Variants in LARGE1 observed in about 807,000 individuals in gnomAD.
LARGE1 encodes the protein xylosyl- and glucuronyltransferase LARGE1.
In LARGE1, 43 loss-of-function variants were observed where a neutral mutation model predicts 87.6. That is an observed-to-expected ratio of 0.49 (90% confidence interval 0.38 to 0.63). LARGE1 has a LOEUF of 0.63. LARGE1 is among the 30% of genes least tolerant of loss of function. LARGE1 has a pLI of 0.00. For missense variants in LARGE1, 802 were observed against 1,000.2 expected (o/e 0.80, Z 2.67); for synonymous variants, 434 against 394.6 (o/e 1.10, Z -1.18).
chr22:33,879,184 C>G (rs2146742322), intron 1 of LARGE1, among the ~76,000 whole-genome samples: 1 of 152,278 alleles, frequency 6.6e-6, no homozygotes, highest in Non-Finnish European at 1.5e-5. Context: ...GTTGGTCAGG[C>G]TGGTCTCCTG....
chr22:33,335,247 T>C (rs1355542156), intron 10 of LARGE1, among the ~76,000 whole-genome samples: 1 of 152,144 alleles, frequency 6.6e-6, no homozygotes, highest in Non-Finnish European at 1.5e-5. Context: ...GAAAGAACAG[T>C]GTTTGTTGAG....
chr22:33,650,878 G>A (rs2080780977), intron 2 of LARGE1, among the ~76,000 whole-genome samples: 2 of 152,144 alleles, frequency 1.3e-5, no homozygotes, highest in African/African-American at 4.8e-5. Flanking sequence ...GGTGATAAAA[G>A]CTAATATGCC....
At chr22:33,137,640 AG>A in the LARGE1 span, among the ~76,000 whole-genome samples, 1 of 152,204 alleles carries the variant, frequency 6.6e-6, no homozygotes, top group Non-Finnish European at 1.5e-5. Context: ...ACTGGCCTGG[AG>A]GCCTAGGAGA....
intron 4 of LARGE1, among the ~76,000 whole-genome samples, chr22:33,625,166 G>T (rs192496998): frequency 6.6e-6 from 1 of 152,264 alleles, no homozygotes; most frequent in Non-Finnish European, 1.5e-5. Flanking sequence ...CACCCAACAG[G>T]TTTCCATGCT....
intron 1 of LARGE1, among the ~76,000 whole-genome samples, chr22:33,804,197 C>T (rs922398959): frequency 6.6e-6 from 1 of 152,170 alleles, no homozygotes; most frequent in African/African-American, 2.4e-5. Flanking sequence ...ACTAATGCTG[C>T]CTTTGTTGAC....
chr22:33,858,660 G>A (rs60848515), intron 1 of LARGE1, among the ~76,000 whole-genome samples: 6,542 of 152,186 alleles, frequency 0.043, 467 homozygotes, highest in African/African-American at 0.15. Flanking sequence ...GTTGGCCTAG[G>A]AAATCCAGCT....
At position 33,264,584 on chromosome 22, in the gene LARGE1, G is replaced by A. The variant is rs149245060; in HGVS notation, c.1730+39645C>T. On this transcript the variant is annotated intron_variant, in intron 11 of 11. Transcript: ENST00000608642. ...TGAGGCAGGAGAATCACCTGAACCCGGGAGGTGGAGGTTGCAGTGAGCCGA... is the reference window on the plus strand; with the variant it reads ...TGAGGCAGGAGAATCACCTGAACCCAGGAGGTGGAGGTTGCAGTGAGCCGA... Among the ~76,000 whole-genome samples, 1,345 of 152,278 alleles carry A rather than the reference G, an allele frequency of 8.8e-3. 12 individuals are homozygous for A. Among genetic ancestry groups the A allele is most frequent in the Middle Eastern group, 0.024 (7 of 294 alleles).
At chr22:33,199,848 T>C (rs1924281469) in intron 11 of LARGE1, among the ~76,000 whole-genome samples, 1 of 142,830 alleles carries the variant, frequency 7.0e-6, no homozygotes, top group African/African-American at 2.5e-5. Context: ...AGACACTTTT[T>C]TTTTTTTTTC....
At position 33,612,127 on chromosome 22, in the gene LARGE1, G is replaced by A. The variant is rs528460797; in HGVS notation, c.492-7569C>T. Among the ~76,000 whole-genome samples the A allele has an allele frequency of 8.2e-5, 11 of 134,354 alleles. No individual in the cohort carries two copies. The South Asian group carries it at 2.1e-3, about 26-fold the overall frequency. 88.1% of individuals were successfully genotyped at this position (134,354 alleles called of 152,430 possible). ...TTCCCCCCACCCACCCCCAGTGAAAGAGTTTCGCTCTTATTGCCCAGGCTA... is the reference window on the plus strand; with the variant it reads ...TTCCCCCCACCCACCCCCAGTGAAAAAGTTTCGCTCTTATTGCCCAGGCTA... On this transcript the variant is annotated intron_variant, in intron 4 of 14. Coordinates refer to ENST00000397394, the MANE Select transcript of LARGE1 (RefSeq NM_133642.5).
intron 10 of LARGE1, among the ~76,000 whole-genome samples, chr22:33,325,252 C>T (rs1937137987): frequency 6.6e-6 from 1 of 152,206 alleles, no homozygotes; most frequent in African/African-American, 2.4e-5. Context: ...CACCAATATC[C>T]ATATTTTGCT....
intron 3 of LARGE1, among the ~76,000 whole-genome samples, chr22:33,630,707 T>TTA (rs1338859597): frequency 2.0e-5 from 3 of 152,196 alleles, no homozygotes; most frequent in South Asian, 2.1e-4. Flanking sequence ...GCCTAGGACA[T>TTA]TATAGTACAC....
At position 33,348,036 on chromosome 22, in the gene LARGE1, C is replaced by T. The variant is rs118120119; in HGVS notation, c.1132-10235G>A. 5.4e-3 allele frequency among the ~76,000 whole-genome samples: 818 copies of T among 152,172 alleles called. 14 individuals carry two copies. The highest frequency in any genetic ancestry group is 0.034 in the Admixed American group (516 of 15,282). ...ATGGGGCTGCAGATTGTCACACAACCTGAGGGGCAAGGACAGGGAAGGTAC... is the reference window on the plus strand; with the variant it reads ...ATGGGGCTGCAGATTGTCACACAACTTGAGGGGCAAGGACAGGGAAGGTAC... On this transcript the variant is annotated intron_variant, in intron 9 of 14. Transcript: ENST00000397394.
intron 11 of LARGE1, among the ~76,000 whole-genome samples, chr22:33,307,453 C>T (rs986385795): frequency 2.0e-5 from 3 of 152,010 alleles, no homozygotes; most frequent in Non-Finnish European, 4.4e-5. Context: ...CAAGTAAGAG[C>T]GTGTTCTTCT....
At chr22:33,854,286 TG>T (rs2063695648) in intron 1 of LARGE1, among the ~76,000 whole-genome samples, 2 of 151,592 alleles carry the variant, frequency 1.3e-5, no homozygotes, top group African/African-American at 4.8e-5. Flanking sequence ...CAGGCTGCTT[TG>T]TTAAATATAA....
intron 2 of LARGE1, among the ~76,000 whole-genome samples, chr22:33,698,532 G>T (rs1195286435): frequency 6.7e-6 from 1 of 150,198 alleles, no homozygotes; most frequent in Admixed American, 6.6e-5. Flanking sequence ...CTAGTCTTGA[G>T]CTCCTAGCCT....
chr22:33,328,223 T>C (rs1288990599), intron 10 of LARGE1, among the ~76,000 whole-genome samples: 1 of 152,226 alleles, frequency 6.6e-6, no homozygotes, highest in Non-Finnish European at 1.5e-5. Context: ...CAGGGCTTGA[T>C]ACCGGCTTCA....
At chr22:33,197,047 A>G (rs1924119632) in intron 11 of LARGE1, among the ~76,000 whole-genome samples, 1 of 152,180 alleles carries the variant, frequency 6.6e-6, no homozygotes, top group African/African-American at 2.4e-5. Context: ...AACAGAAAAA[A>G]AGCACTTTTG....
At position 33,277,913 on chromosome 22, in the gene LARGE1, C is replaced by T. The variant is rs141885048; in HGVS notation, c.1878-658G>A. Among the ~76,000 whole-genome samples, 242 of 152,272 alleles carry T rather than the reference C, an allele frequency of 1.6e-3. 6 individuals are homozygous for T. Among genetic ancestry groups the T allele is most frequent in the African/African-American group, 5.3e-3 (222 of 41,546 alleles). ...TGCAGGTGAGCTTGTGTAGTGATTG[C>T]TGCCAGACTGTGGTAGGAGTATCAG... On this transcript the variant is annotated intron_variant, in intron 13 of 14. Transcript: ENST00000397394.
chr22:33,756,930 A>G (rs767732947), intron 2 of LARGE1, among the ~76,000 whole-genome samples: 16 of 152,106 alleles, frequency 1.1e-4, no homozygotes, highest in Non-Finnish European at 1.9e-4. Context: ...ATGAAGGGAG[A>G]CAAGGATTAC....
Sources: allele counts gnomAD v4.1 joint callset (sites outside exome capture counted in the v4.1 genomes callset), GRCh38; gene constraint gnomAD v4.1.1; transcripts MANE v1.5; gene names NCBI Gene and HGNC (gene_info 2026-07-23, HGNC 2026-07-21).